The following RUNX1T1 variants were observed in gnomAD, a reference collection of about 807,000 sequenced individuals.
RUNX1T1 encodes the protein RUNX1 partner transcriptional co-repressor 1.
Under a neutral mutation model 62.8 loss-of-function variants are expected in RUNX1T1, and 4 were observed. The observed-to-expected ratio is 0.06, with a 90% CI of 0.03 to 0.15. The LOEUF (loss-of-function observed/expected upper bound fraction) is 0.15. Among genes scored for constraint, RUNX1T1 ranks in the 10% least tolerant of loss-of-function variants. The pLI, the probability that RUNX1T1 is intolerant of heterozygous loss-of-function variation, is 1.00. For missense variants in RUNX1T1, 508 were observed against 754.3 expected (o/e 0.67, Z 3.82); for synonymous variants, 291 against 286.0 (o/e 1.02, Z -0.18).
intron 1 of RUNX1T1, among the ~76,000 whole-genome samples, chr8:92,087,228 A>G (rs1836266468): frequency 6.6e-6 from 1 of 152,096 alleles, no homozygotes; most frequent in Non-Finnish European, 1.5e-5. Flanking sequence ...CAGCTGAAAA[A>G]TGTCTGGTGA....
upstream of RUNX1T1, among the ~76,000 whole-genome samples, chr8:92,101,749 T>C (rs1267267678): frequency 6.6e-6 from 1 of 152,024 alleles, no homozygotes; most frequent in East Asian, 1.9e-4. Flanking sequence ...TTACAAAAAA[T>C]AAAAAATAGC....
intron 7 of RUNX1T1, 32 bp downstream of exon 8, chr8:91,986,855 T>A (rs757848602): frequency 2.1e-6 from 3 of 1,435,626 alleles, no homozygotes; most frequent in Non-Finnish European, 2.0e-6. Flanking sequence ...TTCCAAACAT[T>A]TTTTAATCCC....
chr8:91,959,412 T>TTGTGTGTGTGTGTGTGTGTGTGTGTGTG (rs56037232), exon 11 of RUNX1T1: 3 of 135,862 alleles, frequency 2.2e-5, no homozygotes. Flanking sequence ...AGTCTCTTAC[T>TTGTGTGTGTGTGTGTGTGTGTGTGTGTG]TGTGTGTGTG....
At chr8:91,987,678 A>C (rs1297504353) in intron 6 of RUNX1T1, among the ~76,000 whole-genome samples, 1 of 152,200 alleles carries the variant, frequency 6.6e-6, no homozygotes, top group Non-Finnish European at 1.5e-5. Context: ...AAAGTAATAC[A>C]TAAGTGTTTA....
intron 10 of RUNX1T1, among the ~76,000 whole-genome samples, chr8:91,963,498 A>G (rs371496417): frequency 3.9e-5 from 6 of 152,306 alleles, no homozygotes; most frequent in Admixed American, 3.3e-4. Flanking sequence ...TTCTATTAAT[A>G]TATTTCTCTT....
exon 1 of RUNX1T1, chr8:92,062,709 C>T (rs1374440530): frequency 6.3e-7 from 1 of 1,580,976 alleles, no homozygotes; most frequent in Non-Finnish European, 8.7e-7. Context: ...GGCGCGTGCG[C>T]CTGCCAGGCA....
At position 92,030,630 on chromosome 8, in the gene RUNX1T1, G is replaced by A. The variant is rs527807315; in HGVS notation, c.8-13267C>T. On this transcript the variant is annotated intron_variant, in intron 1 of 10. Coordinates refer to ENST00000396218, the Ensembl canonical transcript of RUNX1T1. ...ACTACTGTTCCACCTAAACCACCCC[G>A]GTGAAAAGACCAACTCTTTTGTGGT... Among the ~76,000 whole-genome samples, 22 of 152,216 alleles carry A rather than the reference G, an allele frequency of 1.4e-4. No individual in the cohort carries two copies. The East Asian group carries it at 3.3e-3, about 23-fold the overall frequency.
At chr8:92,032,015 C>G (rs1351894969) in intron 1 of RUNX1T1, among the ~76,000 whole-genome samples, 1 of 148,580 alleles carries the variant, frequency 6.7e-6, no homozygotes, top group Non-Finnish European at 1.5e-5. Context: ...ATTTTTTGAA[C>G]CTGGGAGGCA....
intron 1 of RUNX1T1, among the ~76,000 whole-genome samples, chr8:92,083,569 G>A (rs369742702): frequency 1.3e-5 from 2 of 152,302 alleles, no homozygotes; most frequent in East Asian, 1.9e-4. Context: ...ACACCAGTTA[G>A]AATGGTGATC....
chr8:91,989,713 A>T (rs1817272830), intron 6 of RUNX1T1, among the ~76,000 whole-genome samples: 1 of 152,176 alleles, frequency 6.6e-6, no homozygotes, highest in Admixed American at 6.5e-5. Flanking sequence ...GCTATTTAAA[A>T]ACATGCAATC....
intron 1 of RUNX1T1, among the ~76,000 whole-genome samples, chr8:92,029,391 G>T (rs1360233127): frequency 1.3e-5 from 2 of 152,216 alleles, no homozygotes; most frequent in South Asian, 2.1e-4. Context: ...TATGGAAATG[G>T]CTGTAAGACT....
downstream of RUNX1T1, chr8:91,955,409 T>C (rs1038974438): frequency 1.8e-5 from 4 of 227,774 alleles, no homozygotes; most frequent in African/African-American, 8.9e-5. Flanking sequence ...AAAGAGTAAC[T>C]ATGAAATTAA....
intron 1 of RUNX1T1, among the ~76,000 whole-genome samples, chr8:92,041,741 C>T (rs1415003404): frequency 6.6e-6 from 1 of 151,070 alleles, no homozygotes; most frequent in Non-Finnish European, 1.5e-5. Context: ...TACTCTGTCC[C>T]AAATAACAAA....
chr8:92,064,652 AG>A, upstream of RUNX1T1, among the ~76,000 whole-genome samples: 1 of 152,328 alleles, frequency 6.6e-6, no homozygotes, highest in African/African-American at 2.4e-5. Context: ...TATGTTAGAA[AG>A]AAAACATTTT....
At chr8:92,080,143 C>T (rs1835022703) in intron 1 of RUNX1T1, among the ~76,000 whole-genome samples, 1 of 152,116 alleles carries the variant, frequency 6.6e-6, no homozygotes, top group Non-Finnish European at 1.5e-5. Flanking sequence ...GCTCATTACT[C>T]TACCCTCCAC....
chr8:92,057,520 C>T (rs1419767985), intron 1 of RUNX1T1, among the ~76,000 whole-genome samples: 1 of 152,160 alleles, frequency 6.6e-6, no homozygotes, highest in Non-Finnish European at 1.5e-5. Flanking sequence ...CATATATAGG[C>T]TTTCAATAAA....
chr8:92,102,659 T>C (rs567209574), upstream of RUNX1T1, among the ~76,000 whole-genome samples: 1 of 152,264 alleles, frequency 6.6e-6, no homozygotes, highest in South Asian at 2.1e-4. This position sits in a 1 kb window ranked among gnomAD's most constrained non-coding sequence, Gnocchi z 4.5. Flanking sequence ...TTCAGTGTCA[T>C]CGCAGACCGG....
intron 1 of RUNX1T1, among the ~76,000 whole-genome samples, chr8:92,060,539 A>G (rs1178023438): frequency 9.5e-5 from 11 of 115,394 alleles, no homozygotes; most frequent in Admixed American, 4.4e-4. Flanking sequence ...ATATATATAT[A>G]TATATATATA....
intron 5 of RUNX1T1, among the ~76,000 whole-genome samples, chr8:92,000,744 G>T (rs187864639): frequency 1.4e-3 from 206 of 152,196 alleles, no homozygotes; most frequent in African/African-American, 4.9e-3. Context: ...ATTAAGCCAG[G>T]AACACAGGCT....
Sources: allele counts gnomAD v4.1 joint callset (sites outside exome capture counted in the v4.1 genomes callset), GRCh38; gene constraint gnomAD v4.1.1; non-coding constraint Gnocchi (gnomAD v3.1); transcripts MANE v1.5; gene names NCBI Gene and HGNC (gene_info 2026-07-23, HGNC 2026-07-21).